The following GALNT2 variants were observed in gnomAD, a reference collection of about 807,000 sequenced individuals.
GALNT2 encodes the protein UDP-GalNAc:polypeptide N-acetylgalactosaminyltransferase 2.
GALNT2 carries 31 observed loss-of-function variants against 81.4 expected under a neutral mutation model. The ratio of observed to expected loss-of-function variants is 0.38; its 90% CI spans 0.29 to 0.51. The LOEUF (loss-of-function observed/expected upper bound fraction) is 0.51. GALNT2 is among the 20% of genes least tolerant of loss of function. GALNT2 has a pLI of 0.87. For missense variants in GALNT2, 629 were observed against 765.7 expected, an observed-to-expected ratio of 0.82 and a Z score of 2.11; for synonymous variants, 303 against 287.4, an observed-to-expected ratio of 1.05 and a Z score of -0.55.
At chr1:230,165,041 A>C (rs1391863211) in intron 1 of GALNT2, among the ~76,000 whole-genome samples, 3 of 152,220 alleles carry the variant, frequency 2.0e-5, no homozygotes, top group Non-Finnish European at 4.4e-5. Context: ...GAAATACTGC[A>C]TAAGGTCGAA....
chr1:230,238,224 T>G (rs1214331687), intron 6 of GALNT2, among the ~76,000 whole-genome samples: 1 of 152,240 alleles, frequency 6.6e-6, no homozygotes, highest in Admixed American at 6.5e-5. Flanking sequence ...GTGATGCTAC[T>G]AGATGACAAA....
chr1:230,058,291 T>G (rs1658964203), intron 1 of GALNT2, among the ~76,000 whole-genome samples: 1 of 152,142 alleles, frequency 6.6e-6, no homozygotes, highest in South Asian at 2.1e-4. Flanking sequence ...CGGCGACATA[T>G]TCCCTGGGAG....
intron 2 of GALNT2, among the ~76,000 whole-genome samples, chr1:230,195,342 G>A (rs1396020120): frequency 1.3e-5 from 2 of 152,198 alleles, no homozygotes; most frequent in Non-Finnish European, 2.9e-5. Context: ...ACAGAAGAGT[G>A]GAAGCACTTA....
intron 2 of GALNT2, among the ~76,000 whole-genome samples, chr1:230,200,263 C>A (rs1312525671): frequency 2.0e-5 from 3 of 152,050 alleles, no homozygotes; most frequent in African/African-American, 7.2e-5. Context: ...GGGGTTTCAC[C>A]ATGTTGGCCA....
intron 2 of GALNT2, among the ~76,000 whole-genome samples, chr1:230,182,277 T>G (rs1371718776): frequency 6.6e-6 from 1 of 152,140 alleles, no homozygotes; most frequent in African/African-American, 2.4e-5. Flanking sequence ...TACTTTGGAT[T>G]TAACTTTCTC....
At chr1:230,100,227 G>A (rs1660361533) in intron 1 of GALNT2, among the ~76,000 whole-genome samples, 1 of 151,860 alleles carries the variant, frequency 6.6e-6, no homozygotes, top group African/African-American at 2.4e-5. Context: ...TGGCTCCATA[G>A]GACATTGGTG....
At chr1:230,201,577 C>T (rs1558137615) in intron 2 of GALNT2, among the ~76,000 whole-genome samples, 1 of 152,158 alleles carries the variant, frequency 6.6e-6, no homozygotes, top group Non-Finnish European at 1.5e-5. Flanking sequence ...TATTATCATA[C>T]CGTGTTTTCA....
intron 1 of GALNT2, among the ~76,000 whole-genome samples, chr1:230,177,905 C>G (rs671682): frequency 0.23 from 34,946 of 151,978 alleles, 4,823 homozygotes; most frequent in African/African-American, 0.38. Flanking sequence ...TCTCGCTTCC[C>G]CACCCTCACA....
intron 2 of GALNT2, among the ~76,000 whole-genome samples, chr1:230,198,287 C>G (rs1172077789): frequency 6.6e-6 from 1 of 152,274 alleles, no homozygotes; most frequent in East Asian, 1.9e-4. Context: ...GGAAAGGGAG[C>G]CTGGAGCAAT....
At chr1:230,079,861 G>A (rs560309687) in intron 1 of GALNT2, among the ~76,000 whole-genome samples, 4 of 152,300 alleles carry the variant, frequency 2.6e-5, no homozygotes, top group African/African-American at 9.6e-5. Context: ...CCTATGGAGA[G>A]GGTTGCTGAG....
intron 2 of GALNT2, among the ~76,000 whole-genome samples, chr1:230,195,101 T>G (rs1287669452): frequency 6.6e-6 from 1 of 152,172 alleles, no homozygotes; most frequent in Non-Finnish European, 1.5e-5. Context: ...CAGGACTCAT[T>G]TTAAACGGCT....
At chr1:230,233,769 G>A (rs895872908) in intron 3 of GALNT2, among the ~76,000 whole-genome samples, 8 of 152,208 alleles carry the variant, frequency 5.3e-5, no homozygotes, top group Non-Finnish European at 8.8e-5. Context: ...TGTTATTAAT[G>A]TGCAAATGTG....
chr1:230,238,963 A>G (rs1309214630), intron 6 of GALNT2, among the ~76,000 whole-genome samples: 7 of 152,300 alleles, frequency 4.6e-5, no homozygotes, highest in African/African-American at 1.7e-4. Context: ...AGTCTGGACC[A>G]AGAATTTTCT....
In GALNT2 at chr1:230,279,192, C is replaced by T; in HGVS notation, c.1561-111C>T. The T allele has an allele frequency of 3.4e-6, 4 of 1,179,714 alleles. No individual in the cohort carries two copies. The highest frequency in any genetic ancestry group is 1.2e-6 in the Non-Finnish European group (1 of 851,814). The allele number at this position is 1,179,714 out of a possible 1,614,324, so 73.1% of individuals were successfully genotyped here. ...CGTTCAGATGAGAGGCTGGGAAAAA[C>T]GTGTCTATCTGTGAGTTTTTAATGC... On this transcript the variant is annotated intron_variant, in intron 15 of 15. Coordinates refer to ENST00000366672, the MANE Select transcript of GALNT2 (RefSeq NM_004481.5). The surrounding 1 kb of genome is among the most constrained non-coding windows in gnomAD (Gnocchi z 4.6).
chr1:230,166,308 T>A (rs1158891160), intron 1 of GALNT2, among the ~76,000 whole-genome samples: 15 of 152,246 alleles, frequency 9.9e-5, no homozygotes, highest in Admixed American at 9.8e-4. Flanking sequence ...TGTTAGGAAC[T>A]TTTTCAGGCA....
chr1:230,205,961 C>G (rs987608789), intron 3 of GALNT2, among the ~76,000 whole-genome samples: 2 of 152,160 alleles, frequency 1.3e-5, no homozygotes, highest in Non-Finnish European at 2.9e-5. Flanking sequence ...GACCAGAAAG[C>G]GTCCGTGTAG....
At chr1:230,138,503 C>A (rs552846595) in intron 1 of GALNT2, among the ~76,000 whole-genome samples, 1 of 134,000 alleles carries the variant, frequency 7.5e-6, no homozygotes, top group South Asian at 2.3e-4. Context: ...CCAGCCTGGG[C>A]GATGCAGCGA....
rs1665015997 is a variant in GALNT2 at position 230,236,026 on chromosome 1, G to A, written c.387G>A (p.Lys129=). ...TCTCTTCCTGCAGGTGTCAGCGGAA[G>A]CAGTGGCGGGTGGATCTGCCGGCCA... is the stretch of plus-strand genomic sequence containing the variant. ...PDTRHDQCQR[K]QWRVDLPATS... Residue 129 remains lysine, a synonymous_variant, in exon 4 of 16, where the codon AAG becomes AAA. Coordinates refer to ENST00000366672, the MANE Select transcript of GALNT2 (RefSeq NM_004481.5). 6 of 1,613,234 alleles carry A rather than the reference G, an allele frequency of 3.7e-6. No homozygotes were observed. In the South Asian group the frequency reaches 5.5e-5, roughly 15 times the overall value.
chr1:230,099,852 G>A (rs1432928871), intron 1 of GALNT2, among the ~76,000 whole-genome samples: 1 of 152,210 alleles, frequency 6.6e-6, no homozygotes, highest in African/African-American at 2.4e-5. Flanking sequence ...TGTCTGCAGT[G>A]TGCCACAGCC....
Sources: allele counts gnomAD v4.1 joint callset (sites outside exome capture counted in the v4.1 genomes callset), GRCh38; gene constraint gnomAD v4.1.1; non-coding constraint Gnocchi (gnomAD v3.1); transcripts MANE v1.5; gene names NCBI Gene and HGNC (gene_info 2026-07-23, HGNC 2026-07-21).